DMD: variants seen among roughly 807,000 people sequenced by gnomAD.
The protein encoded by DMD is dystrophin, also known as mutant dystrophin.
A neutral mutation model predicts 330.1 loss-of-function variants in DMD; 63 were observed. The ratio of observed to expected loss-of-function variants is 0.19; its 90% CI spans 0.16 to 0.24. The LOEUF is 0.24. Ranked by LOEUF, DMD falls within the 10% of genes least tolerant of loss-of-function variation. DMD has a pLI of 1.00. For missense variants in DMD, 3,344 were observed against 2,684.1 expected, an observed-to-expected ratio of 1.25 and a Z score of -5.43; for synonymous variants, 1,223 against 959.8, an observed-to-expected ratio of 1.27 and a Z score of -5.07.
intron 59 of DMD, 129 bp from the exon 60 acceptor site, chrX:31,444,756 G>A (rs1049873923): frequency 1.4e-6 from 1 of 727,309 alleles, no homozygotes; most frequent in African/African-American, 2.1e-5. Context: ...TTGAATGTTT[G>A]TGTCCCCCCT....
chrX:33,284,380 T>C (rs2053394602), intron 1 of DMD, among the ~76,000 whole-genome samples: 1 of 111,302 alleles, frequency 9.0e-6, no homozygotes, highest in Admixed American at 9.5e-5. Context: ...TAACAGTGCA[T>C]AGCCAAAAAT....
At chrX:32,324,807 C>T (rs747266591) in intron 41 of DMD, among the ~76,000 whole-genome samples, 79 of 111,635 alleles carry the variant, frequency 7.1e-4, no homozygotes, top group African/African-American at 2.4e-3. Flanking sequence ...AAATTTAATC[C>T]GTATTTTGTG....
At chrX:31,250,075 C>T (rs1485746478) in intron 63 of DMD, among the ~76,000 whole-genome samples, 3 of 110,339 alleles carry the variant, frequency 2.7e-5, no homozygotes, top group African/African-American at 6.6e-5. Flanking sequence ...AATTTTGTTG[C>T]TGCAAAACAT....
intron 1 of DMD, among the ~76,000 whole-genome samples, chrX:33,228,953 A>G (rs750314174): frequency 9.1e-6 from 1 of 110,319 alleles, no homozygotes; most frequent in South Asian, 3.8e-4. Context: ...TTCAATTTAT[A>G]TTTGCTTGAT....
At chrX:31,552,149 T>G (rs1161442441) in intron 55 of DMD, among the ~76,000 whole-genome samples, 1 of 111,854 alleles carries the variant, frequency 8.9e-6, no homozygotes, top group Non-Finnish European at 1.9e-5. Flanking sequence ...ATATAGAAAC[T>G]GCTAGATCCT....
At chrX:31,861,734 T>TAA (rs1491287851) in intron 48 of DMD, among the ~76,000 whole-genome samples, 2 of 56,063 alleles carry the variant, frequency 3.6e-5, no homozygotes, top group Non-Finnish European at 3.3e-5. Flanking sequence ...AGAAGAGTGC[T>TAA]ATACACACAC....
chrX:32,913,941 A>G (rs999242419), intron 2 of DMD, among the ~76,000 whole-genome samples: 1 of 111,735 alleles, frequency 8.9e-6, no homozygotes, highest in Non-Finnish European at 1.9e-5. Context: ...CCAGCTGAAT[A>G]ATACACTCAC....
chrX:33,208,779 A>C lies in DMD; in HGVS notation c.31+2503T>G, dbSNP rs1466981332. Among the ~76,000 whole-genome samples the C allele has an allele frequency of 2.7e-5, 3 of 110,913 alleles. No individual in the cohort carries two copies. The Admixed American group carries it at 2.9e-4, about 11-fold the overall frequency. On this transcript the variant is annotated intron_variant, in intron 1 of 78. Transcript: ENST00000357033. Reference sequence around the variant, plus strand: ...AAAGAGTTGATGAAAAAGTATGATAAATCATTTTTAATAAGTTAGGAAAAT... The same window carrying C: ...AAAGAGTTGATGAAAAAGTATGATACATCATTTTTAATAAGTTAGGAAAAT...
rs771530780 is a variant in DMD at position 31,519,180 on chromosome X, A to G, written c.8218-11727T>C. Among the ~76,000 whole-genome samples, 4 of 112,217 alleles carry G rather than the reference A, an allele frequency of 3.6e-5. 1 individual carries two copies. In the South Asian group the frequency reaches 1.5e-3, roughly 42 times the overall value. ...TAGGTAACTCTCTTCCCATGGACCA[A>G]TACATATTTGGTTATATTAATCTGT... is the stretch of plus-strand genomic sequence containing the variant. On this transcript the variant is annotated intron_variant, in intron 55 of 78. Coordinates refer to ENST00000357033, the MANE Select transcript of DMD (RefSeq NM_004006.3).
At chrX:31,905,557 T>G (rs1157758262) in intron 47 of DMD, among the ~76,000 whole-genome samples, 1 of 109,433 alleles carries the variant, frequency 9.1e-6, no homozygotes, top group Non-Finnish European at 1.9e-5. Context: ...AGAACATAAT[T>G]GGTAGCAAAA....
intron 55 of DMD, among the ~76,000 whole-genome samples, chrX:31,604,429 G>A (rs1475952545): frequency 9.0e-6 from 1 of 111,370 alleles, no homozygotes; most frequent in Non-Finnish European, 1.9e-5. Context: ...CAAGAGAAGA[G>A]CACATCTAAT....
At chrX:32,470,850 TAA>T (rs1209157208) in intron 22 of DMD, among the ~76,000 whole-genome samples, 1 of 112,606 alleles carries the variant, frequency 8.9e-6, no homozygotes, top group Non-Finnish European at 1.9e-5. Context: ...TTCTATGTGA[TAA>T]AGTTTAAATT....
At chrX:32,419,001 A>G (rs1170538791) in intron 29 of DMD, among the ~76,000 whole-genome samples, 1 of 105,700 alleles carries the variant, frequency 9.5e-6, no homozygotes, top group African/African-American at 3.5e-5. Flanking sequence ...AAAAAAAAGA[A>G]GCTGACACTT....
chrX:31,574,360 G>A (rs2075990651), intron 55 of DMD, among the ~76,000 whole-genome samples: 1 of 109,654 alleles, frequency 9.1e-6, no homozygotes, highest in Non-Finnish European at 1.9e-5. Context: ...AGCCAGGATG[G>A]TCTCGATCTC....
intron 43 of DMD, among the ~76,000 whole-genome samples, chrX:32,238,596 C>T (rs758249859): frequency 7.1e-5 from 8 of 111,929 alleles, no homozygotes; most frequent in Non-Finnish European, 1.5e-4. Context: ...CTAGTCCACA[C>T]TCAATGACAG....
intron 2 of DMD, among the ~76,000 whole-genome samples, chrX:32,888,820 T>C (rs2084916611): frequency 8.9e-6 from 1 of 112,033 alleles, no homozygotes; most frequent in South Asian, 3.7e-4. Context: ...TGGAACACTA[T>C]TCAACTTTAA....
chrX:31,897,986 G>A (rs1057261422), intron 47 of DMD, among the ~76,000 whole-genome samples: 2 of 110,855 alleles, frequency 1.8e-5, no homozygotes, highest in African/African-American at 6.6e-5. Context: ...TTTTAGACAT[G>A]AAGTCCTTGC....
chrX:32,746,452 G>C (rs1226639203), intron 7 of DMD, among the ~76,000 whole-genome samples: 1 of 111,993 alleles, frequency 8.9e-6, no homozygotes, highest in Non-Finnish European at 1.9e-5. Flanking sequence ...TGTGGATCCA[G>C]ACCAGCATCA....
At chrX:33,035,395 C>A (rs2094187875) in intron 1 of DMD, among the ~76,000 whole-genome samples, 1 of 111,183 alleles carries the variant, frequency 9.0e-6, no homozygotes, top group Non-Finnish European at 1.9e-5. Context: ...TCTTCATATT[C>A]TCTTAGATAT....
Sources: allele counts gnomAD v4.1 joint callset (sites outside exome capture counted in the v4.1 genomes callset), GRCh38; gene constraint gnomAD v4.1.1; transcripts MANE v1.5; gene names NCBI Gene and HGNC (gene_info 2026-07-23, HGNC 2026-07-21).